SPRY4: variants seen among roughly 807,000 people sequenced by gnomAD.
SPRY4 encodes protein sprouty homolog 4.
Under a neutral mutation model 17.0 loss-of-function variants are expected in SPRY4, and 7 were observed. That is an observed-to-expected ratio of 0.41 (90% confidence interval 0.23 to 0.77). The LOEUF (loss-of-function observed/expected upper bound fraction) is 0.77. Ranked by LOEUF, SPRY4 falls within the 30% of genes least tolerant of loss-of-function variation. The pLI is 0.32. For synonymous variants in SPRY4, 183 were observed against 174.1 expected, an observed-to-expected ratio of 1.05 and a Z score of -0.40; for missense variants, 435 against 419.9, an observed-to-expected ratio of 1.04 and a Z score of -0.31.
chr5:142,312,940 T>C lies in SPRY4; in HGVS notation c.*1269A>G, dbSNP rs1758977136. The C allele has an allele frequency of 6.6e-6, 1 of 152,618 alleles. No individual in the cohort carries two copies. Among genetic ancestry groups the C allele is most frequent in the Non-Finnish European group, 1.5e-5 (1 of 68,056 alleles). 9.5% of individuals were successfully genotyped at this position (152,618 alleles called of 1,614,324 possible). Reference sequence around the variant, plus strand: ...TTCCAAGCTCTTCCGACTCCCCTGCTGGGGCTTCCTAACACTAAAATAGAC... The same window carrying C: ...TTCCAAGCTCTTCCGACTCCCCTGCCGGGGCTTCCTAACACTAAAATAGAC... On this transcript the variant is annotated 3_prime_UTR_variant, in exon 2 of 2. Coordinates refer to ENST00000434127, the MANE Select transcript of SPRY4 (RefSeq NM_001127496.3).
chr5:142,324,910 A>G lies in SPRY4; in HGVS notation c.-114T>C, dbSNP rs572546437. 5.7e-3 allele frequency: 867 copies of G among 152,818 alleles called. 2 individuals are homozygous for G. Among genetic ancestry groups the G allele is most frequent in the Non-Finnish European group, 9.9e-3 (676 of 68,054 alleles). The allele number at this position is 152,818 out of a possible 1,614,324, so 9.5% of individuals were successfully genotyped here. ...GTAAATCCTGAAGCCGGGGCAGGTTAGCCGCCGCTGTACTCGCAGACGCCG... is the reference window on the plus strand; with the variant it reads ...GTAAATCCTGAAGCCGGGGCAGGTTGGCCGCCGCTGTACTCGCAGACGCCG... On this transcript the variant is annotated 5_prime_UTR_variant, in exon 1 of 2. Coordinates refer to ENST00000434127, the MANE Select transcript of SPRY4 (RefSeq NM_001127496.3).
At position 142,311,365 on chromosome 5, in the gene SPRY4, G is replaced by C. The variant is rs1458016524; in HGVS notation, c.*2844C>G. On this transcript the variant is annotated 3_prime_UTR_variant, in exon 2 of 2. Transcript: ENST00000434127. ...CCCCACCTACCCCAGGTTTACCAGG[G>C]GCGGGAACTAACCAGCACTTTTCAA... The C allele has an allele frequency of 6.6e-6, 1 of 152,204 alleles. No individual in the cohort carries two copies. The highest frequency in any genetic ancestry group is 1.5e-5 in the Non-Finnish European group (1 of 68,102). The allele number at this position is 152,204 out of a possible 1,614,324, so 9.4% of individuals were successfully genotyped here.
chr5:142,322,061 C>A (rs995441175), intron 1 of SPRY4, among the ~76,000 whole-genome samples: 1 of 135,834 alleles, frequency 7.4e-6, no homozygotes, highest in South Asian at 2.5e-4. Flanking sequence ...TTATTATTCA[C>A]GAAAGTCAGC....
Position 142,314,585 on chromosome 5 carries a change from GTCCGGGGGGA to G in SPRY4, c.514_523del (p.Ser172ArgfsTer84). ...GTTGCAGACCCAGCAGGAAGGCAACGTCCGGGGGGATGCACACTCCTTGCATTTACACTTC... is the reference window on the plus strand; with the variant it reads ...GTTGCAGACCCAGCAGGAAGGCAACGTGCACACTCCTTGCATTTACACTTC... On this transcript the variant is annotated frameshift_variant, in exon 2 of 2. Transcript: ENST00000434127. LOFTEE classifies it high-confidence loss of function. The surrounding 1 kb of genome is among the most constrained non-coding windows in gnomAD (Gnocchi z 4.8). 1 of 1,614,256 alleles carries G rather than the reference GTCCGGGGGGA, an allele frequency of 6.2e-7. No homozygotes were observed. The highest frequency in any genetic ancestry group is 8.5e-7 in the Non-Finnish European group (1 of 1,180,044).
intron 1 of SPRY4, among the ~76,000 whole-genome samples, chr5:142,319,151 G>A (rs1759260149): frequency 6.6e-6 from 1 of 152,186 alleles, no homozygotes; most frequent in African/African-American, 2.4e-5. Flanking sequence ...TTTATGGAAA[G>A]GCATGAAAGT....
chr5:142,320,865 C>T (rs1199141247), intron 1 of SPRY4, among the ~76,000 whole-genome samples: 2 of 152,130 alleles, frequency 1.3e-5, no homozygotes, highest in Non-Finnish European at 2.9e-5. Context: ...TTCCCCTTCC[C>T]CCAACCAAAA....
chr5:142,317,544 G>T, intron 1 of SPRY4: 1 of 985,034 alleles, frequency 1.0e-6, no homozygotes, highest in Non-Finnish European at 1.2e-6. Flanking sequence ...GTTGGGTTTT[G>T]TCTCTCAGGA....
At chr5:142,323,228 C>G (rs1759408765) in intron 1 of SPRY4, among the ~76,000 whole-genome samples, 1 of 152,156 alleles carries the variant, frequency 6.6e-6, no homozygotes, top group South Asian at 2.1e-4. Flanking sequence ...TACCTTCCAG[C>G]TTTGAATCCC....
chr5:142,314,381 A>G lies in SPRY4; in HGVS notation c.728T>C (p.Val243Ala), dbSNP rs1561648158. ...GTAGCAGAGCAGGCAGGGCAGCACC[A>G]CGGAGAGAGCACCCATGAAGGACCA... Reference protein sequence around the residue: ...ARWSFMGALSVVLPCLLCYLP... With the variant: ...ARWSFMGALSAVLPCLLCYLP... The change falls in exon 2 of 2, where the codon GTG becomes GCG. Residue 243 changes from valine (V) to alanine (A), a missense_variant. Physicochemically the swap from Val to Ala is moderately conservative, Grantham distance 64. Transcript: ENST00000434127. This position sits in a 1 kb window ranked among gnomAD's most constrained non-coding sequence, Gnocchi z 4.8. 6.2e-7 allele frequency: 1 copy of G among 1,614,004 alleles called. No individual in the cohort carries two copies. Among genetic ancestry groups the G allele is most frequent in the Non-Finnish European group, 8.5e-7 (1 of 1,179,942 alleles).
chr5:142,314,952 T>TGTA lies in SPRY4; in HGVS notation c.154_156dup (p.Tyr52dup). The TGTA allele has an allele frequency of 6.2e-7, 1 of 1,614,098 alleles. No individual in the cohort carries two copies. The highest frequency in any genetic ancestry group is 8.5e-7 in the Non-Finnish European group (1 of 1,180,024). ...GTCAGGGCCAGGCTAGGGTTGTCTA[T>TGTA]GTAGTCATTCTCCACATGGCTGGTC... On this transcript the variant is annotated inframe_insertion, in exon 2 of 2. Transcript: ENST00000434127. The surrounding 1 kb of genome is among the most constrained non-coding windows in gnomAD (Gnocchi z 4.8).
At position 142,314,795 on chromosome 5, in the gene SPRY4, G is replaced by GTGCTGC; in HGVS notation, c.308_313dup (p.Ser103_Ser104dup). The GTGCTGC allele has an allele frequency of 1.3e-6, 2 of 1,596,318 alleles. No individual in the cohort carries two copies. Among genetic ancestry groups the GTGCTGC allele is most frequent in the African/African-American group, 1.3e-5 (1 of 74,736 alleles). On this transcript the variant is annotated inframe_insertion, in exon 2 of 2. Coordinates refer to ENST00000434127, the MANE Select transcript of SPRY4 (RefSeq NM_001127496.3). The surrounding 1 kb of genome is among the most constrained non-coding windows in gnomAD (Gnocchi z 4.8). ...GTCTAAGAGCCGTTGGTCAGAGGAT[G>GTGCTGC]TGCTGCTGCTGCTGCTCACAGAGCT...
intron 1 of SPRY4, among the ~76,000 whole-genome samples, chr5:142,320,772 T>TA (rs1247444453): frequency 1.3e-5 from 2 of 152,148 alleles, no homozygotes; most frequent in African/African-American, 4.8e-5. Context: ...AAGATCTTAT[T>TA]ATTTGTCTTC....
chr5:142,314,732 G>C lies in SPRY4; in HGVS notation c.377C>G (p.Pro126Arg), dbSNP rs149303276. The part of the protein sequence containing the change: ...APPPVADQAS[P>R]RAVRIQPKVV... ...CTTGGGCTGGATGCGCACAGCCCTTGGTGAGGCCTGGTCAGCCACGGGTGG... is the reference window on the plus strand; with the variant it reads ...CTTGGGCTGGATGCGCACAGCCCTTCGTGAGGCCTGGTCAGCCACGGGTGG... The change falls in exon 2 of 2, where the codon CCA becomes CGA. Residue 126 changes from proline to arginine, a missense_variant. Physicochemically the swap from Pro to Arg is moderately radical, Grantham distance 103. Coordinates refer to ENST00000434127, the MANE Select transcript of SPRY4 (RefSeq NM_001127496.3). This position sits in a 1 kb window ranked among gnomAD's most constrained non-coding sequence, Gnocchi z 4.8. 3 of 1,609,792 alleles carry C rather than the reference G, an allele frequency of 1.9e-6. No homozygotes were observed. In the East Asian group the frequency reaches 6.7e-5, roughly 36 times the overall value.
At position 142,315,028 on chromosome 5, in the gene SPRY4, G is replaced by A; in HGVS notation, c.81C>T (p.Ser27=). 6.2e-7 allele frequency: 1 copy of A among 1,613,790 alleles called. No homozygotes were observed. The highest frequency in any genetic ancestry group is 8.5e-7 in the Non-Finnish European group (1 of 1,180,004). Residue 27 remains serine, a synonymous_variant, in exon 2 of 2, where the codon TCC becomes TCT. Coordinates refer to ENST00000434127, the MANE Select transcript of SPRY4 (RefSeq NM_001127496.3). ...MVQPLLDSRM[S]HSRLQHPLTI... The stretch of plus-strand genomic sequence containing the variant: ...TGAGTGGGTGCTGGAGCCGGCTGTG[G>A]GACATCCGGCTGTCAAGAAGGGGCT...
chr5:142,319,358 A>G (rs1334983980), intron 1 of SPRY4, among the ~76,000 whole-genome samples: 1 of 152,242 alleles, frequency 6.6e-6, no homozygotes, highest in East Asian at 1.9e-4. Context: ...AGGAAGGCTC[A>G]GAGTTCAAGT....
At chr5:142,321,034 C>A (rs933820695) in intron 1 of SPRY4, among the ~76,000 whole-genome samples, 2 of 152,360 alleles carry the variant, frequency 1.3e-5, no homozygotes, top group South Asian at 4.1e-4. Flanking sequence ...CAATCATGAT[C>A]ACAGCTGAAC....
At chr5:142,322,998 T>G (rs184816342) in intron 1 of SPRY4, among the ~76,000 whole-genome samples, 1 of 149,374 alleles carries the variant, frequency 6.7e-6, no homozygotes, top group Non-Finnish European at 1.5e-5. Flanking sequence ...GAGAAATCTT[T>G]AACTGCAGCC....
chr5:142,315,750 G>C (rs1253349138), intron 1 of SPRY4: 1 of 152,514 alleles, frequency 6.6e-6, no homozygotes, highest in Non-Finnish European at 1.5e-5. Context: ...GATTAAATGA[G>C]AAAATACTAT....
chr5:142,315,248 G>A (rs1759112165), intron 1 of SPRY4, 93 bp from the exon 2 acceptor site: 2 of 787,282 alleles, frequency 2.5e-6, no homozygotes, highest in African/African-American at 1.7e-5. Flanking sequence ...GTCCTTGGGA[G>A]CCGCCCAATT....
Sources: gnomAD v4.1 joint callset for allele counts (sites outside exome capture counted in the v4.1 genomes callset) on GRCh38, gnomAD v4.1.1 for gene constraint, Gnocchi (gnomAD v3.1) non-coding constraint, MANE v1.5 for transcripts, NCBI Gene and HGNC (gene_info 2026-07-23, HGNC 2026-07-21) for gene names.